PRDM1: variants seen among roughly 807,000 people sequenced by gnomAD.
PRDM1 encodes the protein PR/SET domain 1, also known as PR domain zinc finger protein 1.
PRDM1 carries 13 observed loss-of-function variants against 62.8 expected under a neutral mutation model. That is an observed-to-expected ratio of 0.21 (90% CI 0.13 to 0.33). The LOEUF is 0.33. Ranked by LOEUF, PRDM1 falls within the 10% of genes least tolerant of loss-of-function variation. The probability of loss-of-function intolerance (pLI) is 1.00; values close to 1 mark genes in which losing one functional copy is unlikely to be tolerated. For missense variants in PRDM1, 895 were observed against 1,058.8 expected (o/e 0.85, Z 2.15); for synonymous variants, 396 against 417.6 (o/e 0.95, Z 0.63).
chr6:106,005,870 T>G (rs1019208936), intron 1 of PRDM1, among the ~76,000 whole-genome samples: 1 of 152,206 alleles, frequency 6.6e-6, no homozygotes, highest in Non-Finnish European at 1.5e-5. Context: ...ATGAGAAAAC[T>G]TTACGGTTAG....
intron 1 of PRDM1, among the ~76,000 whole-genome samples, chr6:106,062,335 T>C (rs1048408117): frequency 1.3e-5 from 2 of 152,230 alleles, no homozygotes; most frequent in Admixed American, 6.5e-5. Flanking sequence ...AATTTTAATT[T>C]TTCTTCTCAT....
chr6:106,010,748 G>A (rs986730593), intron 1 of PRDM1, among the ~76,000 whole-genome samples: 8 of 152,088 alleles, frequency 5.3e-5, no homozygotes, highest in Admixed American at 2.0e-4. Context: ...TTATCACCAC[G>A]TGCCCTGTCG....
At chr6:106,021,344 A>G (rs1256120781) in intron 1 of PRDM1, among the ~76,000 whole-genome samples, 1 of 152,210 alleles carries the variant, frequency 6.6e-6, no homozygotes, top group African/African-American at 2.4e-5. Context: ...AAAAGCCAAG[A>G]AAGGCTGTGT....
At chr6:106,070,988 TG>T (rs1466639601) in intron 1 of PRDM1, among the ~76,000 whole-genome samples, 1 of 152,178 alleles carries the variant, frequency 6.6e-6, no homozygotes, top group Non-Finnish European at 1.5e-5. Flanking sequence ...TGCATCTTAT[TG>T]GCCTGATGCA....
At chr6:106,099,215 C>T (rs1179370470) in intron 3 of PRDM1, 85 bp from the exon 4 acceptor site, 68 of 1,601,712 alleles carry the variant, frequency 4.2e-5, no homozygotes, top group Non-Finnish European at 5.4e-5. Flanking sequence ...AAATCACACA[C>T]GGTACCGGCT....
chr6:106,020,428 G>T (rs1772683815), intron 1 of PRDM1, among the ~76,000 whole-genome samples: 1 of 152,010 alleles, frequency 6.6e-6, no homozygotes, highest in Non-Finnish European at 1.5e-5. Context: ...GCCTCCCAAA[G>T]TGCTGGAATT....
At chr6:106,079,866 T>C (rs992481268) in intron 1 of PRDM1, among the ~76,000 whole-genome samples, 2 of 152,222 alleles carry the variant, frequency 1.3e-5, no homozygotes, top group Non-Finnish European at 2.9e-5. Flanking sequence ...ATTCCAGTAT[T>C]GTATTTTAAA....
chr6:106,083,059 A>G (rs1773719472), upstream of PRDM1, among the ~76,000 whole-genome samples: 1 of 151,966 alleles, frequency 6.6e-6, no homozygotes, highest in African/African-American at 2.4e-5. Flanking sequence ...AAAGTTTAAA[A>G]ACCAAGTGTC....
chr6:106,099,204 GA>G (rs1290747123), intron 3 of PRDM1, 95 bp from the exon 4 acceptor site: 2 of 1,603,470 alleles, frequency 1.2e-6, no homozygotes, highest in Non-Finnish European at 1.7e-6. Context: ...TAGGGGATCA[GA>G]AATCACACAC....
chr6:106,086,802 T>A (rs1241770015), intron 1 of PRDM1, among the ~76,000 whole-genome samples: 9 of 152,300 alleles, frequency 5.9e-5, no homozygotes, highest in African/African-American at 2.2e-4. Context: ...TAATTGCCAA[T>A]TCATTGAAAT....
chr6:106,087,959 C>A, intron 1 of PRDM1: 1 of 285,868 alleles, frequency 3.5e-6, no homozygotes, highest in Non-Finnish European at 6.6e-6. Flanking sequence ...TTCCTTTTCC[C>A]CACAGTGAGG....
intron 1 of PRDM1, among the ~76,000 whole-genome samples, chr6:106,052,391 G>T (rs1773190926): frequency 6.6e-6 from 1 of 151,978 alleles, no homozygotes; most frequent in South Asian, 2.1e-4. Flanking sequence ...TTGTTTTAAA[G>T]GTATGGTCGT....
intron 1 of PRDM1, among the ~76,000 whole-genome samples, chr6:106,012,068 TACACACAC>T (rs796256891): frequency 1.2e-5 from 1 of 86,796 alleles, no homozygotes; most frequent in African/African-American, 4.6e-5. Flanking sequence ...CACACCACAC[TACACACAC>T]ACACAAACAT....
intron 1 of PRDM1, among the ~76,000 whole-genome samples, chr6:106,057,098 T>C (rs1773279121): frequency 6.6e-6 from 1 of 152,228 alleles, no homozygotes; most frequent in Non-Finnish European, 1.5e-5. Flanking sequence ...GTATTTCCTG[T>C]TTTAATTAGA....
intron 1 of PRDM1, among the ~76,000 whole-genome samples, chr6:105,997,681 C>T (rs553522252): frequency 2.1e-4 from 32 of 152,202 alleles, no homozygotes; most frequent in African/African-American, 7.0e-4. Flanking sequence ...TCATAAAGCT[C>T]GTATTCTCCA....
At chr6:106,034,188 A>G (rs896166571) in intron 1 of PRDM1, among the ~76,000 whole-genome samples, 3 of 151,602 alleles carry the variant, frequency 2.0e-5, no homozygotes, top group African/African-American at 7.3e-5. Flanking sequence ...TTTTTTGGTT[A>G]TCTTTTAAGA....
chr6:106,104,748 A>G (rs1202404562), intron 4 of PRDM1, 77 bp from the exon 5 acceptor site: 3 of 1,486,040 alleles, frequency 2.0e-6, no homozygotes, highest in Non-Finnish European at 2.7e-6. Flanking sequence ...TTTTCTCAAG[A>G]AGGAGGAGCA....
chr6:106,071,864 A>G (rs1325817833), intron 1 of PRDM1, among the ~76,000 whole-genome samples: 1 of 152,198 alleles, frequency 6.6e-6, no homozygotes, highest in African/African-American at 2.4e-5. Flanking sequence ...CTGATTAAGT[A>G]AGGCAGTGGT....
chr6:106,096,631 A>C (rs1444592317), intron 3 of PRDM1, among the ~76,000 whole-genome samples: 1 of 152,248 alleles, frequency 6.6e-6, no homozygotes, highest in Non-Finnish European at 1.5e-5. Context: ...AGTCATATGC[A>C]AGATGATAAG....
Sources: gnomAD v4.1 joint callset for allele counts (sites outside exome capture counted in the v4.1 genomes callset) on GRCh38, gnomAD v4.1.1 for gene constraint, MANE v1.5 for transcripts, NCBI Gene and HGNC (gene_info 2026-07-23, HGNC 2026-07-21) for gene names.